The following TAF4 variants were observed in gnomAD, a reference collection of about 807,000 sequenced individuals.
The protein encoded by TAF4 is transcription initiation factor TFIID subunit 4.
A neutral mutation model predicts 90.3 loss-of-function variants in TAF4; 9 were observed. The observed-to-expected ratio is 0.10, with a 90% confidence interval of 0.06 to 0.17. The LOEUF is 0.17. Among genes scored for constraint, TAF4 ranks in the 10% least tolerant of loss-of-function variants. TAF4 has a pLI of 1.00. For missense variants in TAF4, 1,351 were observed against 1,370.7 expected (o/e 0.99, Z 0.23); for synonymous variants, 818 against 638.9 (o/e 1.28, Z -4.23).
chr20:62,019,522 C>T (rs1472035424), intron 1 of TAF4, among the ~76,000 whole-genome samples: 1 of 152,214 alleles, frequency 6.6e-6, no homozygotes, highest in Non-Finnish European at 1.5e-5. Context: ...TCCACTCTCC[C>T]AGCGGTTCAA....
chr20:61,999,468 C>T (rs1354642754), intron 11 of TAF4, among the ~76,000 whole-genome samples: 5 of 152,382 alleles, frequency 3.3e-5, no homozygotes, highest in African/African-American at 1.2e-4. Context: ...CCTGAAGGCA[C>T]TGCCTCCCGG....
At chr20:61,985,978 C>T (rs1199477136) in intron 14 of TAF4, among the ~76,000 whole-genome samples, 1 of 150,312 alleles carries the variant, frequency 6.7e-6, no homozygotes, top group East Asian at 1.9e-4. Context: ...GCACCATCCC[C>T]AATCAAAGGA....
intron 3 of TAF4, among the ~76,000 whole-genome samples, chr20:62,011,174 T>G (rs576050372): frequency 4.7e-4 from 71 of 152,184 alleles, no homozygotes; most frequent in African/African-American, 1.4e-3. Context: ...TCTGTGTATC[T>G]TTTCACTTGT....
rs548489448 is a variant in TAF4 at position 62,000,398 on chromosome 20, C to T, written c.2657-144G>A. 29 of 1,385,462 alleles carry T rather than the reference C, an allele frequency of 2.1e-5. No individual in the cohort carries two copies. The East Asian group carries it at 6.2e-4, about 30-fold the overall frequency. The allele number at this position is 1,385,462 out of a possible 1,614,324, so 85.8% of individuals were successfully genotyped here. A position where few individuals can be genotyped will look rare whatever the true frequency, so the allele number is the denominator to read the frequency against. ...CTGGTGGGGTGGAAGGCAGTGGTAC[C>T]CATATTTTACCCAAGAACCACCACC... On this transcript the variant is annotated intron_variant, in intron 10 of 14. Transcript: ENST00000252996.
chr20:62,025,525 C>T (rs998477831), intron 1 of TAF4, among the ~76,000 whole-genome samples: 10 of 152,134 alleles, frequency 6.6e-5, no homozygotes, highest in Admixed American at 6.5e-4. Context: ...GGGACAGCTT[C>T]CCCCAGGCGG....
intron 14 of TAF4, among the ~76,000 whole-genome samples, chr20:61,987,113 C>G (rs1247823760): frequency 1.3e-5 from 2 of 152,220 alleles, no homozygotes; most frequent in Non-Finnish European, 2.9e-5. Flanking sequence ...GCGACACCAC[C>G]TGCCTCCCAA....
chr20:62,049,739 C>T (rs775968396), intron 1 of TAF4, among the ~76,000 whole-genome samples: 10 of 146,502 alleles, frequency 6.8e-5, no homozygotes, highest in South Asian at 2.2e-4. Flanking sequence ...GGAGGCAGGG[C>T]CCGGGCAGAG....
intron 1 of TAF4, among the ~76,000 whole-genome samples, chr20:62,061,490 G>A (rs1236570257): frequency 1.3e-5 from 2 of 152,198 alleles, no homozygotes; most frequent in Admixed American, 6.5e-5. Flanking sequence ...CTGCATGAAA[G>A]CACAATAGAC....
At chr20:62,033,862 G>A (rs1490767072) in intron 1 of TAF4, among the ~76,000 whole-genome samples, 2 of 152,016 alleles carry the variant, frequency 1.3e-5, no homozygotes, top group Non-Finnish European at 2.9e-5. Context: ...CTAACACGGT[G>A]AAACCCCTTC....
At chr20:62,043,120 A>G (rs1419513095) in intron 1 of TAF4, among the ~76,000 whole-genome samples, 2 of 152,180 alleles carry the variant, frequency 1.3e-5, no homozygotes, top group Non-Finnish European at 2.9e-5. Flanking sequence ...CCAGGAGTCC[A>G]AGACCAGTCT....
intron 1 of TAF4, among the ~76,000 whole-genome samples, chr20:62,063,917 C>A (rs925422480): frequency 6.6e-6 from 1 of 152,254 alleles, no homozygotes; most frequent in Non-Finnish European, 1.5e-5. Context: ...GCGTCGCGCC[C>A]CCGTCCTCGC....
intron 1 of TAF4, among the ~76,000 whole-genome samples, chr20:62,041,102 C>T (rs576140964): frequency 6.6e-6 from 1 of 152,196 alleles, no homozygotes; most frequent in South Asian, 2.1e-4. Context: ...GCGACCTGAG[C>T]GCTCCAAAGG....
intron 2 of TAF4, 44 bp from the exon 3 acceptor site, chr20:62,012,978 G>C (rs2055788381): frequency 3.1e-6 from 5 of 1,608,624 alleles, no homozygotes; most frequent in African/African-American, 1.3e-5. Flanking sequence ...CAAGTAAAAG[G>C]AATTCCCACC....
At chr20:62,056,531 G>A (rs1018493612) in intron 1 of TAF4, among the ~76,000 whole-genome samples, 1 of 152,104 alleles carries the variant, frequency 6.6e-6, no homozygotes, top group South Asian at 2.1e-4. Flanking sequence ...GCCACTTGTC[G>A]CCATCAGCAC....
At chr20:62,022,639 C>T (rs1283613711) in intron 1 of TAF4, among the ~76,000 whole-genome samples, 1 of 152,298 alleles carries the variant, frequency 6.6e-6, no homozygotes, top group South Asian at 2.1e-4. Flanking sequence ...TCTCTCTAAG[C>T]GGGTGCTGTG....
rs1473376138 is a variant in TAF4 at position 62,014,035 on chromosome 20, T to TGGGG, written c.1521+511_1521+512insCCCC. Among the ~76,000 whole-genome samples the TGGGG allele has an allele frequency of 1.1e-4, 15 of 138,964 alleles. No individual in the cohort carries two copies. In the South Asian group the frequency reaches 3.2e-3, roughly 29 times the overall value. 91.2% of individuals were successfully genotyped at this position (138,964 alleles called of 152,430 possible). ...GGGGGTGTGGGTGTGTGTGTGTGTG[T>TGGGG]GTGTGTGTGTATGTGTGTGTGTGTG... On this transcript the variant is annotated intron_variant, in intron 2 of 14. Transcript: ENST00000252996.
At chr20:62,023,812 C>T (rs1245945991) in intron 1 of TAF4, among the ~76,000 whole-genome samples, 3 of 150,670 alleles carry the variant, frequency 2.0e-5, no homozygotes, top group Non-Finnish European at 3.0e-5. Flanking sequence ...ATCTCAGGGC[C>T]GGGCTCACAC....
At chr20:61,992,192 C>T (rs2055635905) in intron 14 of TAF4, among the ~76,000 whole-genome samples, 1 of 152,116 alleles carries the variant, frequency 6.6e-6, no homozygotes, top group South Asian at 2.1e-4. Flanking sequence ...ATTTATGGCA[C>T]TAAAACTCAA....
chr20:61,981,970 A>C (rs1461719076), intron 14 of TAF4, among the ~76,000 whole-genome samples: 1 of 118,908 alleles, frequency 8.4e-6, no homozygotes, highest in African/African-American at 3.1e-5. Context: ...AGGAGACATC[A>C]AACCCACACC....
Sources: allele counts gnomAD v4.1 joint callset (sites outside exome capture counted in the v4.1 genomes callset), GRCh38; gene constraint gnomAD v4.1.1; transcripts MANE v1.5; gene names NCBI Gene and HGNC (gene_info 2026-07-23, HGNC 2026-07-21).